STX18: variants seen among roughly 807,000 people sequenced by gnomAD.
The protein encoded by STX18 is syntaxin 18.
In STX18, 40 loss-of-function variants were observed where a neutral mutation model predicts 50.1. The observed-to-expected ratio is 0.80, with a 90% CI of 0.62 to 1.04. STX18 has a LOEUF of 1.04. Ranked by LOEUF, STX18 falls within the 50% of genes least tolerant of loss-of-function variation. The probability of loss-of-function intolerance (pLI) is 0.00; values close to 1 mark genes in which losing one functional copy is unlikely to be tolerated. For synonymous variants in STX18, 158 were observed against 151.8 expected (o/e 1.04, Z -0.30); for missense variants, 410 against 415.8 (o/e 0.99, Z 0.12).
intron 1 of STX18, among the ~76,000 whole-genome samples, chr4:4,517,170 A>G (rs1398777476): frequency 3.3e-5 from 5 of 152,182 alleles, no homozygotes; most frequent in African/African-American, 1.2e-4. Context: ...AACCAGCGGT[A>G]TTGGGGCTCG....
At chr4:4,437,607 A>G (rs1480145142) in intron 6 of STX18, 2 of 985,314 alleles carry the variant, frequency 2.0e-6, no homozygotes, top group Non-Finnish European at 2.4e-6. Flanking sequence ...GTCCAGGACC[A>G]TGCCTAGCAT....
intron 2 of STX18, among the ~76,000 whole-genome samples, chr4:4,470,420 G>A (rs890542405): frequency 6.6e-6 from 1 of 152,158 alleles, no homozygotes; most frequent in African/African-American, 2.4e-5. Flanking sequence ...AGGACTAGGA[G>A]GAAATCATTC....
At chr4:4,462,885 G>C (rs565170022) in intron 2 of STX18, among the ~76,000 whole-genome samples, 1 of 152,278 alleles carries the variant, frequency 6.6e-6, no homozygotes, top group Admixed American at 6.5e-5. Context: ...GGAAGGCTTA[G>C]GCCCTTCTTT....
At chr4:4,452,969 C>T (rs1333437865) in intron 5 of STX18, among the ~76,000 whole-genome samples, 1 of 152,142 alleles carries the variant, frequency 6.6e-6, no homozygotes, top group East Asian at 1.9e-4. Flanking sequence ...AGCCAGAGAA[C>T]TAAGATTGGA....
chr4:4,531,573 T>C (rs547055378), intron 1 of STX18, among the ~76,000 whole-genome samples: 3 of 152,216 alleles, frequency 2.0e-5, no homozygotes, highest in Non-Finnish European at 4.4e-5. Flanking sequence ...CGTTTCACAC[T>C]GCTGAGTAAG....
chr4:4,439,322 CATAT>C (rs1247688280), intron 5 of STX18, among the ~76,000 whole-genome samples: 5 of 149,510 alleles, frequency 3.3e-5, no homozygotes, highest in Non-Finnish European at 5.9e-5. Flanking sequence ...ATACACATAC[CATAT>C]ATACACACCC....
rs545845369 is a variant in STX18, at chr4:4,431,022, ACT to A, written c.702+3746_702+3747del. Among the ~76,000 whole-genome samples the A allele has an allele frequency of 5.6e-3, 857 of 152,184 alleles. 5 individuals carry two copies. Among genetic ancestry groups the A allele is most frequent in the African/African-American group, 0.02 (813 of 41,508 alleles). ...TCACTGCTAGCCTTCCTCTGGTCCA[ACT>A]CTCACACCTACAGGCTGCTAAGTCA... is the stretch of plus-strand genomic sequence containing the variant. On this transcript the variant is annotated intron_variant, in intron 7 of 10. Transcript: ENST00000306200.
At chr4:4,438,633 T>C in intron 5 of STX18, 124 bp from the exon 6 acceptor site, 1 of 720,344 alleles carries the variant, frequency 1.4e-6, no homozygotes, top group Non-Finnish European at 2.3e-6. Context: ...GAGCAGTCAC[T>C]GCCTCTGGGC....
chr4:4,429,243 C>T (rs892715699), intron 7 of STX18, among the ~76,000 whole-genome samples: 3 of 152,128 alleles, frequency 2.0e-5, no homozygotes, highest in African/African-American at 7.2e-5. Context: ...GTGTCACATG[C>T]GCATTAGACA....
At chr4:4,432,470 C>A (rs1725566067) in intron 7 of STX18, among the ~76,000 whole-genome samples, 1 of 152,222 alleles carries the variant, frequency 6.6e-6, no homozygotes, top group African/African-American at 2.4e-5. Flanking sequence ...CTTTGTACAA[C>A]CTGCCACTCT....
At chr4:4,445,330 C>T (rs1156902368) in intron 5 of STX18, among the ~76,000 whole-genome samples, 2 of 151,002 alleles carry the variant, frequency 1.3e-5, no homozygotes, top group African/African-American at 2.4e-5. Flanking sequence ...TGCTTGAACT[C>T]GGGAGGTGGA....
Position 4,420,617 on chromosome 4 carries a change from AC to A in STX18, c.912+246del. ...GAGCTGGCCTGACCCTGCCAGGAGT[AC>A]CCCCACCCACCCTGGATTGCTCCTT... is the stretch of plus-strand genomic sequence containing the variant. On this transcript the variant is annotated intron_variant, in intron 10 of 10. Transcript: ENST00000306200. The surrounding 1 kb of genome is among the most constrained non-coding windows in gnomAD (Gnocchi z 4.3). 1 of 516,524 alleles carries A rather than the reference AC, an allele frequency of 1.9e-6. No homozygotes were observed. The highest frequency in any genetic ancestry group is 3.4e-6 in the Non-Finnish European group (1 of 291,924). 32.0% of individuals were successfully genotyped at this position (516,524 alleles called of 1,614,324 possible).
chr4:4,492,721 A>ATT (rs1300019035), intron 1 of STX18, among the ~76,000 whole-genome samples: 2 of 152,186 alleles, frequency 1.3e-5, no homozygotes, highest in African/African-American at 4.8e-5. Context: ...CCATATGACT[A>ATT]AGAAGTTTAT....
intron 7 of STX18, among the ~76,000 whole-genome samples, chr4:4,427,355 T>G (rs1248663181): frequency 6.6e-6 from 1 of 152,244 alleles, no homozygotes; most frequent in East Asian, 1.9e-4. Flanking sequence ...GCCCCTTTAA[T>G]TAGGCAAGAC....
intron 7 of STX18, among the ~76,000 whole-genome samples, chr4:4,426,903 T>C (rs1045709115): frequency 6.6e-6 from 1 of 152,202 alleles, no homozygotes; most frequent in African/African-American, 2.4e-5. Flanking sequence ...AGCTCTGCTC[T>C]GACAGGCTAG....
At chr4:4,431,162 G>A (rs1577315260) in intron 7 of STX18, among the ~76,000 whole-genome samples, 1 of 152,058 alleles carries the variant, frequency 6.6e-6, no homozygotes, top group East Asian at 1.9e-4. Flanking sequence ...TTTATGAAGA[G>A]TGGTGGAGTG....
At chr4:4,515,012 A>C (rs916030751) in intron 1 of STX18, among the ~76,000 whole-genome samples, 4 of 152,192 alleles carry the variant, frequency 2.6e-5, no homozygotes, top group African/African-American at 9.6e-5. Context: ...ATGTCTCATG[A>C]AAACATTCAA....
chr4:4,433,808 C>A (rs1437495710), intron 7 of STX18, among the ~76,000 whole-genome samples: 1 of 152,174 alleles, frequency 6.6e-6, no homozygotes, highest in Non-Finnish European at 1.5e-5. Context: ...CTGAGAAGCT[C>A]AAGGCTGGGG....
At position 4,418,977 on chromosome 4, in the gene STX18, A is replaced by G. The variant is rs1426984455; in HGVS notation, c.*1057T>C. ...AGAGGCCGAGCCTGTATTTCCAGGT[A>G]GACGTGGACTTTATTGACTGTGAAT... is the stretch of plus-strand genomic sequence containing the variant. On this transcript the variant is annotated 3_prime_UTR_variant, in exon 11 of 11. Transcript: ENST00000306200. 6.6e-6 allele frequency: 1 copy of G among 152,234 alleles called. No homozygotes were observed. Among genetic ancestry groups the G allele is most frequent in the East Asian group, 1.9e-4 (1 of 5,198 alleles). 9.4% of individuals were successfully genotyped at this position (152,234 alleles called of 1,614,324 possible).
Sources: allele counts gnomAD v4.1 joint callset (sites outside exome capture counted in the v4.1 genomes callset), GRCh38; gene constraint gnomAD v4.1.1; non-coding constraint Gnocchi (gnomAD v3.1); transcripts MANE v1.5; gene names NCBI Gene and HGNC (gene_info 2026-07-23, HGNC 2026-07-21).